The following RALY variants were observed in gnomAD, a reference collection of about 807,000 sequenced individuals.
The protein encoded by RALY is RNA-binding protein Raly.
Under a neutral mutation model 30.7 loss-of-function variants are expected in RALY, and 15 were observed. The ratio of observed to expected loss-of-function variants is 0.49; its 90% CI spans 0.33 to 0.75. RALY has a LOEUF of 0.75. Among genes scored for constraint, RALY ranks in the 30% least tolerant of loss-of-function variants. RALY has a pLI of 0.02. For synonymous variants in RALY, 177 were observed against 170.8 expected (o/e 1.04, Z -0.28); for missense variants, 339 against 414.3 (o/e 0.82, Z 1.58).
At chr20:34,008,478 T>G (rs1219163262) in intron 1 of RALY, among the ~76,000 whole-genome samples, 1 of 152,186 alleles carries the variant, frequency 6.6e-6, no homozygotes, top group East Asian at 1.9e-4. Context: ...TTAAAGGTAT[T>G]CCATTTAGGG....
At chr20:34,038,075 G>C (rs748429623) in intron 2 of RALY, among the ~76,000 whole-genome samples, 2 of 152,220 alleles carry the variant, frequency 1.3e-5, no homozygotes, top group Non-Finnish European at 2.9e-5. Flanking sequence ...ATAACCTCCA[G>C]CTTGCTTGGG....
intron 1 of RALY, among the ~76,000 whole-genome samples, chr20:34,002,947 G>T (rs1399794919): frequency 1.3e-5 from 2 of 152,104 alleles, no homozygotes; most frequent in African/African-American, 4.8e-5. Context: ...GTGGTTTCTG[G>T]CATTTGATCA....
Position 34,003,725 on chromosome 20 carries a change from C to T in RALY, c.-93+9594C>T, listed in dbSNP as rs990609131. On this transcript the variant is annotated intron_variant, in intron 1 of 9. Coordinates refer to ENST00000246194, the MANE Select transcript of RALY (RefSeq NM_016732.3). Reference sequence around the variant, plus strand: ...CGGGATCTCGGCTCACTGCAAGCTCCGCCTCCCGGGTTCACGCCATTCTCC... The same window carrying T: ...CGGGATCTCGGCTCACTGCAAGCTCTGCCTCCCGGGTTCACGCCATTCTCC... Among the ~76,000 whole-genome samples, 9 of 149,352 alleles carry T rather than the reference C, an allele frequency of 6.0e-5. No homozygotes were observed. The East Asian group carries it at 1.2e-3, about 20-fold the overall frequency.
chr20:34,000,671 T>A (rs1458382150), intron 1 of RALY, among the ~76,000 whole-genome samples: 1 of 152,156 alleles, frequency 6.6e-6, no homozygotes, highest in Non-Finnish European at 1.5e-5. Flanking sequence ...CTGTTCTCTA[T>A]TCTGGGGTTG....
intron 2 of RALY, among the ~76,000 whole-genome samples, chr20:34,032,026 G>A (rs963048732): frequency 4.6e-5 from 7 of 152,172 alleles, no homozygotes; most frequent in Middle Eastern, 6.3e-3. Flanking sequence ...GCAATGGCAC[G>A]ATCTCGGCTC....
chr20:34,025,897 T>TGG (rs2032007921), intron 1 of RALY, among the ~76,000 whole-genome samples: 1 of 100,668 alleles, frequency 9.9e-6, no homozygotes, highest in Non-Finnish European at 2.1e-5. Flanking sequence ...AGATTCCTGG[T>TGG]TGTTTTTTTT....
At chr20:34,047,097 G>T (rs1040985544) in intron 2 of RALY, among the ~76,000 whole-genome samples, 56 of 152,176 alleles carry the variant, frequency 3.7e-4, no homozygotes, top group African/African-American at 1.3e-3. Flanking sequence ...GGGATTACAG[G>T]TGTGAGCCAC....
At chr20:34,073,444 GAGC>G in intron 3 of RALY, 116 bp from the exon 4 acceptor site, 1 of 908,008 alleles carries the variant, frequency 1.1e-6, no homozygotes, top group Non-Finnish European at 1.8e-6. Context: ...CACCATCAGT[GAGC>G]AGAATCCATG....
Position 34,082,014 on chromosome 20 carries a change from C to G in RALY, c.*2109C>G, listed in dbSNP as rs572241716. On this transcript the variant is annotated 3_prime_UTR_variant, in exon 10 of 10. Transcript: ENST00000246194. ...CAGGCATGGGGTGAGAAACAGGCCC[C>G]TTGGAATTGGGCTGGGCCTTGGCCC... 3 of 152,494 alleles carry G rather than the reference C, an allele frequency of 2.0e-5. No homozygotes were observed. Among genetic ancestry groups the G allele is most frequent in the African/African-American group, 4.8e-5 (2 of 41,588 alleles). 9.4% of individuals were successfully genotyped at this position (152,494 alleles called of 1,614,324 possible).
intron 1 of RALY, among the ~76,000 whole-genome samples, chr20:34,030,221 GT>G (rs1416024870): frequency 6.6e-6 from 1 of 152,176 alleles, no homozygotes; most frequent in Non-Finnish European, 1.5e-5. Context: ...GGACTTCTGG[GT>G]TCAAATCCCA....
At chr20:34,036,134 T>G (rs763273428) in intron 2 of RALY, among the ~76,000 whole-genome samples, 1 of 151,170 alleles carries the variant, frequency 6.6e-6, no homozygotes, top group African/African-American at 2.4e-5. Context: ...TAATCTGACA[T>G]CCATTAAAAA....
At chr20:34,063,145 A>G (rs2033464233) in intron 2 of RALY, among the ~76,000 whole-genome samples, 1 of 152,244 alleles carries the variant, frequency 6.6e-6, no homozygotes, top group Non-Finnish European at 1.5e-5. Context: ...TCGTATGTGA[A>G]ATGGTCACAA....
Position 34,076,588 on chromosome 20 carries a change from A to T in RALY, c.545-114A>T, listed in dbSNP as rs1024231537. The stretch of plus-strand genomic sequence containing the variant: ...CCTTTTTCCTAAGCAGGGAAAAAAC[A>T]AAACAAAACAAAAAATAACTGCTTT... On this transcript the variant is annotated intron_variant, in intron 6 of 9. Transcript: ENST00000246194. The T allele has an allele frequency of 7.3e-6, 7 of 958,100 alleles. No homozygotes were observed. The African/African-American group carries it at 1.2e-4, about 16-fold the overall frequency. The allele number at this position is 958,100 out of a possible 1,614,324, so 59.3% of individuals were successfully genotyped here.
At chr20:34,022,519 G>A (rs1430938537) in intron 1 of RALY, among the ~76,000 whole-genome samples, 1 of 152,048 alleles carries the variant, frequency 6.6e-6, no homozygotes, top group Non-Finnish European at 1.5e-5. Flanking sequence ...GAGCACATAA[G>A]GCCCCTACGA....
intron 1 of RALY, among the ~76,000 whole-genome samples, chr20:34,019,746 A>G (rs2031744023): frequency 6.6e-6 from 1 of 152,178 alleles, no homozygotes; most frequent in African/African-American, 2.4e-5. Flanking sequence ...ATTATGTAAG[A>G]CAGAGCAAGC....
At chr20:34,047,647 G>T (rs1268996917) in intron 2 of RALY, among the ~76,000 whole-genome samples, 1 of 152,174 alleles carries the variant, frequency 6.6e-6, no homozygotes, top group Non-Finnish European at 1.5e-5. Context: ...GCCATTTACT[G>T]TAATAATTGT....
At chr20:34,069,770 A>G (rs1438415487) in intron 2 of RALY, among the ~76,000 whole-genome samples, 1 of 152,156 alleles carries the variant, frequency 6.6e-6, no homozygotes, top group Non-Finnish European at 1.5e-5. Context: ...TCACTGCCTG[A>G]TAAGTGTAGA....
intron 2 of RALY, among the ~76,000 whole-genome samples, chr20:34,039,284 C>G (rs1821612035): frequency 6.6e-6 from 1 of 152,204 alleles, no homozygotes; most frequent in African/African-American, 2.4e-5. Flanking sequence ...AAATAAATGT[C>G]AAAGAGAAGA....
rs747717263 is a variant in RALY, at chr20:34,073,604, G to A, written c.298G>A (p.Gly100Arg). Reference protein sequence around the residue: ...AGEPKPDRPKGLKRAASAIYS... With the variant: ...AGEPKPDRPKRLKRAASAIYS... Reference sequence around the variant, plus strand: ...AGAGCCTAAGCCTGACAGACCCAAGGGGCTAAAGAGAGCAGCATCTGCCAT... The same window carrying A: ...AGAGCCTAAGCCTGACAGACCCAAGAGGCTAAAGAGAGCAGCATCTGCCAT... Residue 100 changes from glycine to arginine, a missense_variant, in exon 4 of 10, where the codon GGG becomes AGG. Around this residue, in one of 2 missense-constraint regions of RALY, gnomAD observed 71 missense variants for 133.7 expected, o/e 0.53. Coordinates refer to ENST00000246194, the MANE Select transcript of RALY (RefSeq NM_016732.3). 4 of 1,605,834 alleles carry A rather than the reference G, an allele frequency of 2.5e-6. No individual in the cohort carries two copies. In the Admixed American group the frequency reaches 5.0e-5, roughly 20 times the overall value.
Sources: gnomAD v4.1 joint callset for allele counts (sites outside exome capture counted in the v4.1 genomes callset) on GRCh38, gnomAD v4.1.1 for gene constraint, gnomAD v4.1.1 regional missense constraint, MANE v1.5 for transcripts, NCBI Gene and HGNC (gene_info 2026-07-23, HGNC 2026-07-21) for gene names.